The following ANKRD62 variants were observed in gnomAD, a reference collection of about 807,000 sequenced individuals.
The protein encoded by ANKRD62 is ankyrin repeat domain-containing protein 62.
A neutral mutation model predicts 98.8 loss-of-function variants in ANKRD62; 61 were observed. The observed-to-expected ratio is 0.62, with a 90% CI of 0.50 to 0.76. The LOEUF is 0.76. ANKRD62 is among the 30% of genes least tolerant of loss of function. ANKRD62 has a pLI of 0.00. For synonymous variants in ANKRD62, 341 were observed against 367.9 expected, an observed-to-expected ratio of 0.93 and a Z score of 0.84; for missense variants, 933 against 1,082.9, an observed-to-expected ratio of 0.86 and a Z score of 1.94.
At chr18:12,095,070 C>A in intron 1 of ANKRD62, 101 bp from the exon 2 acceptor site, 1 of 856,680 alleles carries the variant, frequency 1.2e-6, no homozygotes, top group Non-Finnish European at 1.9e-6. Flanking sequence ...GTTCTGAAGG[C>A]AGAGGGATAA....
rs143163693 is a variant in ANKRD62 at position 12,098,635 on chromosome 18, T to G, written c.752+858T>G. ...CTAGCCAATAATGAAATTACACATT[T>G]TCATTACAAAAACATTGGAGTAAGG... On this transcript the variant is annotated intron_variant, in intron 5 of 13. Coordinates refer to ENST00000587848, the MANE Select transcript of ANKRD62 (RefSeq NM_001277333.2). 2.0e-5 allele frequency: 3 copies of G among 152,360 alleles called. No individual in the cohort carries two copies. In the East Asian group the frequency reaches 5.8e-4, roughly 29 times the overall value. 9.4% of individuals were successfully genotyped at this position (152,360 alleles called of 1,614,324 possible).
chr18:12,134,671 A>G (rs1418369318), downstream of ANKRD62, among the ~76,000 whole-genome samples: 1 of 152,042 alleles, frequency 6.6e-6, no homozygotes, highest in African/African-American at 2.4e-5. Context: ...GATGGTTTCC[A>G]GCTTCATCCA....
At position 12,126,048 on chromosome 18, in the gene ANKRD62, C is replaced by A. The variant is rs1247197089; in HGVS notation, c.2227C>A (p.Arg743=). 16 of 1,536,120 alleles carry A rather than the reference C, an allele frequency of 1.0e-5. No homozygotes were observed. Among genetic ancestry groups the A allele is most frequent in the Admixed American group, 3.9e-5 (2 of 50,974 alleles). ...AGAACACATGCAAGGAGTCCTAAGCCGAACACAGCGTCGATTGGAGGACAT... is the reference window on the plus strand; with the variant it reads ...AGAACACATGCAAGGAGTCCTAAGCAGAACACAGCGTCGATTGGAGGACAT... ...HIEHMQGVLS[R]TQRRLEDIEH... Residue 743 remains arginine, a synonymous_variant, in exon 13 of 14, where the codon CGA becomes AGA. Coordinates refer to ENST00000587848, the MANE Select transcript of ANKRD62 (RefSeq NM_001277333.2).
At chr18:12,138,896 G>T in the ANKRD62 span, among the ~76,000 whole-genome samples, 1 of 151,936 alleles carries the variant, frequency 6.6e-6, no homozygotes, top group Admixed American at 6.6e-5. Flanking sequence ...CATTTGCTTT[G>T]AAGATCTTCC....
At chr18:12,102,349 G>T (rs1219638040) in intron 6 of ANKRD62, 1 of 656,304 alleles carries the variant, frequency 1.5e-6, no homozygotes, top group Non-Finnish European at 2.9e-6. Flanking sequence ...CACACCATTC[G>T]GGGGTAGGTC....
chr18:12,122,371 T>G lies in ANKRD62; in HGVS notation c.1309T>G (p.Cys437Gly). ...TGGAAGATCAATAGAGGATCAAAAA[T>G]GTTACTGTGAACGACTTAAAGTAAA... ...ACGRSIEDQKCYCERLKVKFQ... is the reference protein window; with the variant it reads ...ACGRSIEDQKGYCERLKVKFQ... The change falls in exon 11 of 14, where the codon TGT becomes GGT. Residue 437 changes from cysteine to glycine, a missense_variant. Transcript: ENST00000587848. 2 of 1,535,682 alleles carry G rather than the reference T, an allele frequency of 1.3e-6. No individual in the cohort carries two copies. The highest frequency in any genetic ancestry group is 1.7e-6 in the Non-Finnish European group (2 of 1,146,736).
At chr18:12,132,271 T>C (rs1598740537), downstream of ANKRD62, among the ~76,000 whole-genome samples, 1 of 152,206 alleles carries the variant, frequency 6.6e-6, no homozygotes, top group East Asian at 1.9e-4. Context: ...ATATTGATCA[T>C]GTATCCTGCA....
intron 10 of ANKRD62, among the ~76,000 whole-genome samples, chr18:12,121,358 C>G (rs1179061271): frequency 1.3e-5 from 2 of 152,116 alleles, no homozygotes; most frequent in African/African-American, 4.8e-5. Context: ...GGGCCTGGCT[C>G]TTGGGATTGG....
chr18:12,095,062 T>C, intron 1 of ANKRD62, 109 bp from the exon 2 acceptor site: 1 of 826,538 alleles, frequency 1.2e-6, no homozygotes, highest in Non-Finnish European at 1.9e-6. Context: ...AACTATTTGT[T>C]CTGAAGGCAG....
Position 12,125,973 on chromosome 18 carries a change from A to G in ANKRD62, c.2152A>G (p.Thr718Ala). 6.5e-7 allele frequency: 1 copy of G among 1,537,370 alleles called. No individual in the cohort carries two copies. The highest frequency in any genetic ancestry group is 1.2e-5 in the South Asian group (1 of 84,068). ...TGAGAGTACATCCAGTGGCCTGGAA[A>G]CTGAGCTCCATTATGAAAGAGAGGC... The part of the protein sequence containing the change: ...KAESTSSGLE[T>A]ELHYEREALK... Residue 718 changes from threonine (T) to alanine (A), a missense_variant, in exon 13 of 14, where the codon ACT (threonine) becomes GCT (alanine). Physicochemically the swap from Thr to Ala is moderately conservative, Grantham distance 58. Transcript: ENST00000587848.
chr18:12,174,154 A>T, the ANKRD62 span, among the ~76,000 whole-genome samples: 676 of 152,098 alleles, frequency 4.4e-3, 7 homozygotes, highest in African/African-American at 0.015. Context: ...TGGTCTCTTT[A>T]TGTAATCCCA....
intron 10 of ANKRD62, among the ~76,000 whole-genome samples, chr18:12,118,621 A>T (rs937592652): frequency 6.6e-5 from 10 of 151,746 alleles, no homozygotes; most frequent in African/African-American, 2.4e-4. Context: ...AAAAAAAAAA[A>T]AAAAAAAGAA....
At chr18:12,123,519 G>C (rs1210578483) in intron 11 of ANKRD62, among the ~76,000 whole-genome samples, 1 of 152,168 alleles carries the variant, frequency 6.6e-6, no homozygotes, top group East Asian at 1.9e-4. Flanking sequence ...TCTTGTTTGA[G>C]AATGGATTTT....
At chr18:12,105,437 T>G (rs1598731995) in intron 7 of ANKRD62, among the ~76,000 whole-genome samples, 2 of 152,218 alleles carry the variant, frequency 1.3e-5, no homozygotes, top group Non-Finnish European at 2.9e-5. Flanking sequence ...TTGTGGCTGC[T>G]TTCATGGTCT....
chr18:12,152,177 CAAAAAAAAAAAAA>C, the ANKRD62 span, among the ~76,000 whole-genome samples: 7 of 68,264 alleles, frequency 1.0e-4, no homozygotes, highest in African/African-American at 2.8e-4. Context: ...GAAATGCTTC[CAAAAAAAAAAAAA>C]AAAAAAAAAA....
At chr18:12,167,293 A>C in the ANKRD62 span, among the ~76,000 whole-genome samples, 1 of 150,150 alleles carries the variant, frequency 6.7e-6, no homozygotes, top group East Asian at 2.0e-4. Context: ...CCATTCCCCC[A>C]CCCCGTGACA....
the ANKRD62 span, among the ~76,000 whole-genome samples, chr18:12,136,525 G>C: frequency 2.6e-5 from 4 of 152,076 alleles, no homozygotes; most frequent in Non-Finnish European, 5.9e-5. Context: ...TTGGCGATGC[G>C]GGCTCTTTTT....
the ANKRD62 span, among the ~76,000 whole-genome samples, chr18:12,136,537 G>C: frequency 3.9e-5 from 6 of 152,052 alleles, no homozygotes; most frequent in Non-Finnish European, 1.5e-5. Flanking sequence ...GCTCTTTTTT[G>C]GTTCCATATG....
At chr18:12,174,603 A>G in the ANKRD62 span, among the ~76,000 whole-genome samples, 1 of 152,144 alleles carries the variant, frequency 6.6e-6, no homozygotes, top group African/African-American at 2.4e-5. Flanking sequence ...TGGTTCTTTC[A>G]CTGGTGTTTT....
Sources: gnomAD v4.1 joint callset for allele counts (sites outside exome capture counted in the v4.1 genomes callset) on GRCh38, gnomAD v4.1.1 for gene constraint, MANE v1.5 for transcripts, NCBI Gene and HGNC (gene_info 2026-07-23, HGNC 2026-07-21) for gene names.